INSR: variants seen among roughly 807,000 people sequenced by gnomAD.
INSR encodes insulin receptor.
INSR carries 67 observed loss-of-function variants against 142.6 expected under a neutral mutation model. The ratio of observed to expected loss-of-function variants is 0.47; its 90% CI spans 0.39 to 0.58. INSR has a LOEUF of 0.58. INSR is among the 20% of genes least tolerant of loss of function. INSR has a pLI of 0.00. For missense variants in INSR, 1,248 were observed against 1,833.2 expected (o/e 0.68, Z 5.83); for synonymous variants, 756 against 743.1 (o/e 1.02, Z -0.28).
intron 15 of INSR, among the ~76,000 whole-genome samples, chr19:7,127,858 C>T (rs1460097981): frequency 6.6e-6 from 1 of 151,938 alleles, no homozygotes; most frequent in East Asian, 1.9e-4. Flanking sequence ...ATTCTCCTGC[C>T]TCAGCCTCCT....
At chr19:7,285,444 A>T (rs1367719066) in intron 1 of INSR, among the ~76,000 whole-genome samples, 1 of 151,628 alleles carries the variant, frequency 6.6e-6, no homozygotes, top group Non-Finnish European at 1.5e-5. Context: ...AGTTAGTGAG[A>T]CTCCGTCTCA....
At position 7,116,700 on chromosome 19, in the gene INSR, C is replaced by CAAAAAAAAAAAAAAAAAAAA. The variant is rs71177157; in HGVS notation, c.*336_*355dup. 3 of 50,498 alleles carry CAAAAAAAAAAAAAAAAAAAA rather than the reference C, an allele frequency of 5.9e-5. 1 individual carries two copies. The highest frequency in any genetic ancestry group is 7.0e-5 in the African/African-American group (1 of 14,242). The allele number at this position is 50,498 out of a possible 1,614,324, so 3.1% of individuals were successfully genotyped here. A position where few individuals can be genotyped will look rare whatever the true frequency, so the allele number is the denominator to read the frequency against. On this transcript the variant is annotated 3_prime_UTR_variant, in exon 22 of 22. Coordinates refer to ENST00000302850, the MANE Select transcript of INSR (RefSeq NM_000208.4). ...TTTTATACTGAAGCTCAGACACCAG[C>CAAAAAAAAAAAAAAAAAAAA]AAAAAAAAAAAAAAAAAAAAAGAAT...
chr19:7,145,777 A>T (rs1266335979), intron 11 of INSR, among the ~76,000 whole-genome samples: 1 of 152,196 alleles, frequency 6.6e-6, no homozygotes, highest in African/African-American at 2.4e-5. Flanking sequence ...CCCACATTCC[A>T]TTCTTTACAA....
intron 2 of INSR, among the ~76,000 whole-genome samples, chr19:7,200,877 AAAAAGG>A (rs1974935420): frequency 6.6e-6 from 1 of 150,662 alleles, no homozygotes. Context: ...AAAAAAAAAA[AAAAAGG>A]CTGAAGAGCC....
intron 13 of INSR, among the ~76,000 whole-genome samples, chr19:7,140,486 T>TAA (rs1235273926): frequency 6.6e-6 from 1 of 152,106 alleles, no homozygotes; most frequent in Non-Finnish European, 1.5e-5. Context: ...ACCTTTATGG[T>TAA]AAAAAAAATT....
chr19:7,287,397 G>A (rs1968372978), intron 1 of INSR, among the ~76,000 whole-genome samples: 1 of 151,802 alleles, frequency 6.6e-6, no homozygotes, highest in African/African-American at 2.4e-5. Context: ...CTGACCTCAA[G>A]TGATCCACCC....
chr19:7,211,189 C>G (rs554421693), intron 2 of INSR, among the ~76,000 whole-genome samples: 1 of 152,250 alleles, frequency 6.6e-6, no homozygotes, highest in Non-Finnish European at 1.5e-5. Flanking sequence ...ACCTCAGCCT[C>G]CCATGTAGCT....
chr19:7,183,717 T>C (rs1037564786), intron 3 of INSR, among the ~76,000 whole-genome samples: 2 of 152,042 alleles, frequency 1.3e-5, no homozygotes, highest in Non-Finnish European at 2.9e-5. Context: ...TCTGTCCTTA[T>C]TATATTTTCT....
intron 15 of INSR, among the ~76,000 whole-genome samples, chr19:7,127,017 G>A (rs1972663161): frequency 1.3e-5 from 2 of 152,140 alleles, no homozygotes; most frequent in Admixed American, 1.3e-4. Flanking sequence ...TCCCACTTCA[G>A]CTTTCTGAAT....
Position 7,141,909 on chromosome 19 carries a change from G to A in INSR, c.2543-93C>T, listed in dbSNP as rs143450462. The A allele has an allele frequency of 6.8e-5, 68 of 998,810 alleles. 1 individual carries two copies. The highest frequency in any genetic ancestry group is 6.7e-4 in the Middle Eastern group (3 of 4,462). 61.9% of individuals were successfully genotyped at this position (998,810 alleles called of 1,614,324 possible). A position where few individuals can be genotyped will look rare whatever the true frequency, so the allele number is the denominator to read the frequency against. On this transcript the variant is annotated intron_variant, in intron 12 of 21. Coordinates refer to ENST00000302850, the MANE Select transcript of INSR (RefSeq NM_000208.4). ...CATGGTGCAACCTTGGGCTGGTGACGTCATTTTCCCACAACCCATTTTCCT... is the reference window on the plus strand; with the variant it reads ...CATGGTGCAACCTTGGGCTGGTGACATCATTTTCCCACAACCCATTTTCCT...
intron 1 of INSR, among the ~76,000 whole-genome samples, chr19:7,281,732 T>C (rs545588360): frequency 6.6e-6 from 1 of 152,236 alleles, no homozygotes; most frequent in Non-Finnish European, 1.5e-5. Context: ...AGCAGTTGCA[T>C]CCCTACTCTC....
chr19:7,144,441 T>C (rs889239070), intron 11 of INSR, among the ~76,000 whole-genome samples: 1 of 152,158 alleles, frequency 6.6e-6, no homozygotes, highest in Admixed American at 6.6e-5. Context: ...TTCACTCTTG[T>C]CGCCCAGGCT....
In INSR at chr19:7,114,183, C is replaced by T. The variant is rs542043986; in HGVS notation, c.*2873G>A. On this transcript the variant is annotated 3_prime_UTR_variant, in exon 22 of 22. Coordinates refer to ENST00000302850, the MANE Select transcript of INSR (RefSeq NM_000208.4). ...AGGTGTTTGTGTGTAAGGTGCATCA[C>T]CAGCCTGAAAGGAGTGGGCATAAAC... The T allele has an allele frequency of 6.6e-6, 1 of 152,204 alleles. No individual in the cohort carries two copies. Among genetic ancestry groups the T allele is most frequent in the South Asian group, 2.1e-4 (1 of 4,826 alleles). The allele number at this position is 152,204 out of a possible 1,614,324, so 9.4% of individuals were successfully genotyped here.
rs575166576 is a variant in INSR, at chr19:7,197,195, T to C, written c.653-12558A>G. ...CCTGACAATACCGCCCCACACGCGATGACGCCTTTGGAATAGAACTGCGCA... is the reference window on the plus strand; with the variant it reads ...CCTGACAATACCGCCCCACACGCGACGACGCCTTTGGAATAGAACTGCGCA... On this transcript the variant is annotated intron_variant, in intron 2 of 21. Transcript: ENST00000302850. Among the ~76,000 whole-genome samples, 3 of 152,376 alleles carry C rather than the reference T, an allele frequency of 2.0e-5. No individual in the cohort carries two copies. The South Asian group carries it at 6.2e-4, about 32-fold the overall frequency.
intron 2 of INSR, among the ~76,000 whole-genome samples, chr19:7,195,931 CTTTTTT>C: frequency 1.8e-5 from 1 of 54,814 alleles, no homozygotes; most frequent in Non-Finnish European, 4.6e-5. Flanking sequence ...TCTTTTCTTT[CTTTTTT>C]TTTTTTTTTT....
chr19:7,270,843 G>T (rs376549616), intron 1 of INSR, among the ~76,000 whole-genome samples: 1 of 151,876 alleles, frequency 6.6e-6, no homozygotes, highest in African/African-American at 2.4e-5. Flanking sequence ...GGCTGATCAC[G>T]AGGTCAGGAG....
At chr19:7,121,831 G>T (rs1164465128) in intron 19 of INSR, among the ~76,000 whole-genome samples, 1 of 152,196 alleles carries the variant, frequency 6.6e-6, no homozygotes, top group Non-Finnish European at 1.5e-5. Context: ...AATGACAGCT[G>T]GTGGGGGGTC....
At chr19:7,240,917 A>T (rs960773430) in intron 2 of INSR, among the ~76,000 whole-genome samples, 4 of 152,334 alleles carry the variant, frequency 2.6e-5, no homozygotes, top group African/African-American at 9.6e-5. Flanking sequence ...ATATACGCAC[A>T]TATTCTAAAA....
At chr19:7,186,002 C>T (rs1040407252) in intron 2 of INSR, among the ~76,000 whole-genome samples, 14 of 151,676 alleles carry the variant, frequency 9.2e-5, no homozygotes, top group African/African-American at 3.4e-4. Context: ...TCAGACCAGC[C>T]TGGCCAACAT....
Sources: allele counts gnomAD v4.1 joint callset (sites outside exome capture counted in the v4.1 genomes callset), GRCh38; gene constraint gnomAD v4.1.1; transcripts MANE v1.5; gene names NCBI Gene and HGNC (gene_info 2026-07-23, HGNC 2026-07-21).